The following COL4A2 variants were observed in gnomAD, a reference collection of about 807,000 sequenced individuals.
COL4A2 encodes the protein collagen type IV alpha 2 chain.
In COL4A2, 99 loss-of-function variants were observed where a neutral mutation model predicts 200.2. The ratio of observed to expected loss-of-function variants is 0.49; its 90% CI spans 0.42 to 0.58. The LOEUF is 0.58. Ranked by LOEUF, COL4A2 falls within the 20% of genes least tolerant of loss-of-function variation. The pLI is 0.00. For synonymous variants in COL4A2, 897 were observed against 900.6 expected (o/e 1.00, Z 0.07); for missense variants, 1,950 against 2,314.1 (o/e 0.84, Z 3.23).
At chr13:110,450,817 A>T (rs1490666885) in intron 20 of COL4A2, among the ~76,000 whole-genome samples, 3 of 152,322 alleles carry the variant, frequency 2.0e-5, no homozygotes, top group South Asian at 2.1e-4. Context: ...GGGGTGATAC[A>T]TTCCACAAAC....
intron 6 of COL4A2, 147 bp from the exon 7 acceptor site, chr13:110,428,320 C>A: frequency 3.4e-6 from 2 of 592,016 alleles, no homozygotes. Context: ...ATCTTTCATT[C>A]ATTCATTTGT....
At chr13:110,410,524 C>G (rs995542104) in intron 4 of COL4A2, among the ~76,000 whole-genome samples, 1 of 152,196 alleles carries the variant, frequency 6.6e-6, no homozygotes, top group Admixed American at 6.5e-5. Flanking sequence ...TCATCTGGCA[C>G]CTTCCTAAAA....
Position 110,312,233 on chromosome 13 carries a change from C to T in COL4A2, c.99+4110C>T, listed in dbSNP as rs954725075. Among the ~76,000 whole-genome samples the T allele has an allele frequency of 7.2e-5, 11 of 152,104 alleles. No homozygotes were observed. The South Asian group carries it at 1.7e-3, about 23-fold the overall frequency. ...ATGGGTGGCTTGTAGGACTTGGCCA[C>T]GATAAATAATAGCAGAGATTTGTCA... On this transcript the variant is annotated intron_variant, in intron 3 of 47. Transcript: ENST00000360467.
intron 4 of COL4A2, among the ~76,000 whole-genome samples, chr13:110,371,512 A>C (rs1878006601): frequency 6.6e-6 from 1 of 152,166 alleles, no homozygotes; most frequent in Non-Finnish European, 1.5e-5. Flanking sequence ...TATTTTTAGC[A>C]CTTAATCTTA....
intron 3 of COL4A2, among the ~76,000 whole-genome samples, chr13:110,323,943 C>G (rs1257026211): frequency 1.3e-5 from 2 of 152,166 alleles, no homozygotes; most frequent in Non-Finnish European, 2.9e-5. Flanking sequence ...AAATGTGCAC[C>G]TTGGGTCAAC....
chr13:110,388,269 G>C (rs562683822), intron 4 of COL4A2, among the ~76,000 whole-genome samples: 1 of 152,354 alleles, frequency 6.6e-6, no homozygotes, highest in African/African-American at 2.4e-5. Flanking sequence ...CCCAGCCGCA[G>C]CCAGGCAGCT....
intron 4 of COL4A2, among the ~76,000 whole-genome samples, chr13:110,423,759 T>C (rs1234057318): frequency 1.3e-5 from 2 of 152,150 alleles, no homozygotes; most frequent in Non-Finnish European, 2.9e-5. Flanking sequence ...CTCATTCTAC[T>C]GTCTGTCTCC....
chr13:110,370,221 A>AAC (rs386380710), intron 4 of COL4A2, among the ~76,000 whole-genome samples: 1 of 151,182 alleles, frequency 6.6e-6, no homozygotes, highest in Non-Finnish European at 1.5e-5. Flanking sequence ...AGAAAAAAAA[A>AAC]ACAAGGGTTT....
rs531839858 is a variant in COL4A2 at position 110,429,795 on chromosome 13, A to G, written c.478-90A>G. 4.6e-6 allele frequency: 6 copies of G among 1,311,066 alleles called. No individual in the cohort carries two copies. In the Admixed American group the frequency reaches 7.5e-5, roughly 16 times the overall value. 81.2% of individuals were successfully genotyped at this position (1,311,066 alleles called of 1,614,324 possible). ...AATTAGACCTTGCCCACAAAAGTCA[A>G]TGTTCAGTCATCCACATTACCATAG... On this transcript the variant is annotated intron_variant, in intron 7 of 47. Transcript: ENST00000360467.
At chr13:110,436,107 G>A (rs755980553) in intron 12 of COL4A2, 162 bp from the exon 13 acceptor site, 27 of 1,061,500 alleles carry the variant, frequency 2.5e-5, no homozygotes, top group Non-Finnish European at 3.7e-5. Context: ...ACTTACATTA[G>A]GATTACTCTA....
chr13:110,455,657 A>C (rs1372497409), intron 20 of COL4A2, among the ~76,000 whole-genome samples: 1 of 152,188 alleles, frequency 6.6e-6, no homozygotes, highest in East Asian at 1.9e-4. Flanking sequence ...GCACGGGATA[A>C]GTGTTTGATG....
chr13:110,455,624 G>A (rs192652890), intron 20 of COL4A2, among the ~76,000 whole-genome samples: 5 of 152,264 alleles, frequency 3.3e-5, no homozygotes, highest in Admixed American at 1.3e-4. Context: ...ACAGCACCTC[G>A]CACACAGCCT....
At chr13:110,450,688 C>T (rs1041641180) in intron 20 of COL4A2, among the ~76,000 whole-genome samples, 3 of 152,168 alleles carry the variant, frequency 2.0e-5, no homozygotes, top group Admixed American at 6.5e-5. Context: ...ATCACAGCCC[C>T]GTGGATGCCA....
intron 4 of COL4A2, among the ~76,000 whole-genome samples, chr13:110,412,581 T>G (rs2139441876): frequency 6.6e-6 from 1 of 152,346 alleles, no homozygotes; most frequent in South Asian, 2.1e-4. Context: ...ATTAAACATC[T>G]TCCTTTTATA....
chr13:110,333,528 C>A (rs368162313), intron 3 of COL4A2, among the ~76,000 whole-genome samples: 2 of 152,190 alleles, frequency 1.3e-5, no homozygotes, highest in South Asian at 4.1e-4. Context: ...TTCATGGGGG[C>A]GATTTCTTGT....
chr13:110,346,482 C>A (rs1385099759), intron 3 of COL4A2, among the ~76,000 whole-genome samples: 1 of 152,180 alleles, frequency 6.6e-6, no homozygotes, highest in Non-Finnish European at 1.5e-5. Flanking sequence ...CCCCAGAACT[C>A]TAGTGACCAA....
In COL4A2 at chr13:110,451,581, T is replaced by A. The variant is rs1260761909; in HGVS notation, c.1339+1127T>A. 3.9e-5 allele frequency among the ~76,000 whole-genome samples: 6 copies of A among 152,280 alleles called. No individual in the cohort carries two copies. In the South Asian group the frequency reaches 8.3e-4, roughly 21 times the overall value. The stretch of plus-strand genomic sequence containing the variant: ...AAGGAGTGAAGAGGGGAAAAGCCCC[T>A]TATAAAACTATCAGATCTCATGAGA... On this transcript the variant is annotated intron_variant, in intron 20 of 47. Transcript: ENST00000360467.
chr13:110,330,985 C>T (rs996529243), intron 3 of COL4A2, among the ~76,000 whole-genome samples: 1 of 152,114 alleles, frequency 6.6e-6, no homozygotes, highest in Non-Finnish European at 1.5e-5. Context: ...CATCACTACT[C>T]ATGAAATTGC....
chr13:110,484,577 C>T (rs1015154808), intron 32 of COL4A2, among the ~76,000 whole-genome samples: 2 of 152,150 alleles, frequency 1.3e-5, no homozygotes, highest in Non-Finnish European at 2.9e-5. Context: ...TCAGAGCACA[C>T]ACAACAAAAT....
Sources: gnomAD v4.1 joint callset for allele counts (sites outside exome capture counted in the v4.1 genomes callset) on GRCh38, gnomAD v4.1.1 for gene constraint, MANE v1.5 for transcripts, NCBI Gene and HGNC (gene_info 2026-07-23, HGNC 2026-07-21) for gene names.